Variants in ASXL1 observed in about 807,000 individuals in gnomAD.
The protein encoded by ASXL1 is ASXL transcriptional regulator 1, also known as polycomb group protein ASXL1.
A neutral mutation model predicts 89.1 loss-of-function variants in ASXL1; 65 were observed. The ratio of observed to expected loss-of-function variants is 0.73; its 90% CI spans 0.60 to 0.90. The LOEUF (loss-of-function observed/expected upper bound fraction) is 0.90, where lower values mean the gene tolerates loss of function less well. Among genes scored for constraint, ASXL1 ranks in the 40% least tolerant of loss-of-function variants. ASXL1 has a pLI of 0.00. For missense variants in ASXL1, 1,786 were observed against 1,942.9 expected (o/e 0.92, Z 1.52); for synonymous variants, 739 against 746.9 (o/e 0.99, Z 0.17).
At chr20:32,359,278 A>C in intron 1 of ASXL1, 1 of 702,382 alleles carries the variant, frequency 1.4e-6, no homozygotes, top group African/African-American at 1.7e-5. Context: ...GGGGTGGAAA[A>C]GCGACCCCAC....
rs907779561 is a variant in ASXL1 at position 32,358,938 on chromosome 20, G to C, written c.57+106G>C. On this transcript the variant is annotated intron_variant, in intron 1 of 12. Transcript: ENST00000375687. ...GGGCAAGGCCCTGCCCACCGCGGGA[G>C]GGGGCGGGGCCATCTTCCTTTAAGA... The C allele has an allele frequency of 4.8e-5, 57 of 1,196,722 alleles. No homozygotes were observed. The Admixed American group carries it at 1.5e-3, about 32-fold the overall frequency. The allele number at this position is 1,196,722 out of a possible 1,614,324, so 74.1% of individuals were successfully genotyped here.
At chr20:32,423,805 TC>T (rs1410646176) in intron 4 of ASXL1, among the ~76,000 whole-genome samples, 1 of 152,132 alleles carries the variant, frequency 6.6e-6, no homozygotes, top group Non-Finnish European at 1.5e-5. Context: ...TGGCTTGGCC[TC>T]CCAAAATGCT....
At chr20:32,428,542 C>G (rs1479293650) in intron 6 of ASXL1, 120 bp downstream of exon 6, 29 of 977,268 alleles carry the variant, frequency 3.0e-5, no homozygotes, top group Non-Finnish European at 4.2e-5. Context: ...GAAGTCTGGT[C>G]TCCAGCTGTT....
chr20:32,429,695 A>G lies in ASXL1; in HGVS notation c.566-206A>G. 2.7e-6 allele frequency: 2 copies of G among 742,416 alleles called. No individual in the cohort carries two copies. The highest frequency in any genetic ancestry group is 3.7e-5 in the South Asian group (2 of 54,488). The allele number at this position is 742,416 out of a possible 1,614,324, so 46.0% of individuals were successfully genotyped here. A position where few individuals can be genotyped will look rare whatever the true frequency, so the allele number is the denominator to read the frequency against. On this transcript the variant is annotated intron_variant, in intron 7 of 12. Transcript: ENST00000375687. The surrounding 1 kb of genome is among the most constrained non-coding windows in gnomAD (Gnocchi z 4.9). ...CTTTGTAAAAGGTGTAGTGCTATAC[A>G]AATAAAGATGGCAGTTTGGCACCTG... is the stretch of plus-strand genomic sequence containing the variant.
chr20:32,410,900 G>A (rs1020055287), intron 4 of ASXL1, among the ~76,000 whole-genome samples: 4 of 151,810 alleles, frequency 2.6e-5, no homozygotes, highest in African/African-American at 9.7e-5. Flanking sequence ...ACATGATGGC[G>A]CATGCCTGTA....
Position 32,436,218 on chromosome 20 carries a change from C to T in ASXL1, c.3506C>T (p.Ser1169Phe). ...SGMVDGSSPS[S>F]LRALKEPLLP... is the part of the protein sequence containing the mutation. The stretch of plus-strand genomic sequence containing the variant: ...ATGGTTGATGGAAGCAGCCCCAGTT[C>T]TTTAAGGGCTTTGAAGGAGCCTCTT... Residue 1169 changes from serine to phenylalanine, a missense_variant, in exon 13 of 13, where the codon TCT becomes TTT. Ser to Phe is a radical substitution (Grantham distance 155). This residue lies in a region of ASXL1 where 1,418 missense variants were observed against 1,427.8 expected (regional missense o/e 0.99). Coordinates refer to ENST00000375687, the MANE Select transcript of ASXL1 (RefSeq NM_015338.6). The T allele has an allele frequency of 1.2e-6, 2 of 1,614,244 alleles. No individual in the cohort carries two copies. Among genetic ancestry groups the T allele is most frequent in the Non-Finnish European group, 1.7e-6 (2 of 1,180,054 alleles).
Position 32,384,655 on chromosome 20 carries a change from C to T in ASXL1, c.252+15532C>T, listed in dbSNP as rs907284183. ...GGAGAAGAGAGAACTTGATTGTTTTCAGGGCCCTGGTCAGAGTCTGGTTTT... is the reference window on the plus strand; with the variant it reads ...GGAGAAGAGAGAACTTGATTGTTTTTAGGGCCCTGGTCAGAGTCTGGTTTT... On this transcript the variant is annotated intron_variant, in intron 4 of 12. Transcript: ENST00000375687. 2.6e-5 allele frequency among the ~76,000 whole-genome samples: 4 copies of T among 152,186 alleles called. No homozygotes were observed. The South Asian group carries it at 8.3e-4, about 31-fold the overall frequency.
intron 4 of ASXL1, among the ~76,000 whole-genome samples, chr20:32,376,603 C>T (rs1321255781): frequency 1.3e-5 from 2 of 151,922 alleles, no homozygotes; most frequent in African/African-American, 4.8e-5. Flanking sequence ...TCACATTTCT[C>T]TGTTTTCCTT....
At chr20:32,377,220 A>G (rs2048401800) in intron 4 of ASXL1, among the ~76,000 whole-genome samples, 1 of 146,422 alleles carries the variant, frequency 6.8e-6, no homozygotes, top group Non-Finnish European at 1.5e-5. Flanking sequence ...ACCTGACGTC[A>G]GGTGATCCAC....
intron 4 of ASXL1, among the ~76,000 whole-genome samples, chr20:32,409,856 A>G (rs913170801): frequency 2.0e-5 from 3 of 152,206 alleles, no homozygotes; most frequent in African/African-American, 7.2e-5. Context: ...CACATGGTAC[A>G]TTTGTTTGTC....
intron 4 of ASXL1, among the ~76,000 whole-genome samples, chr20:32,419,481 A>G (rs964407090): frequency 2.0e-5 from 3 of 152,082 alleles, no homozygotes; most frequent in Non-Finnish European, 4.4e-5. Flanking sequence ...TGGGATTACA[A>G]GTGTAGCCAA....
intron 4 of ASXL1, among the ~76,000 whole-genome samples, chr20:32,418,420 T>C (rs377693209): frequency 1.1e-3 from 167 of 152,312 alleles, no homozygotes; most frequent in African/African-American, 3.7e-3. Context: ...AGTTAAATTT[T>C]GTAAGCCATT....
intron 4 of ASXL1, among the ~76,000 whole-genome samples, chr20:32,409,575 C>T (rs926949772): frequency 1.3e-5 from 2 of 152,016 alleles, no homozygotes; most frequent in Non-Finnish European, 2.9e-5. Flanking sequence ...TGCTTGCTGT[C>T]TAATGTGCAT....
At chr20:32,370,563 C>T (rs1257545846) in intron 4 of ASXL1, among the ~76,000 whole-genome samples, 2 of 152,186 alleles carry the variant, frequency 1.3e-5, no homozygotes, top group South Asian at 2.1e-4. Flanking sequence ...TTGATGCTGA[C>T]CCTTTCGTTC....
At chr20:32,394,419 G>C (rs2048726883) in intron 4 of ASXL1, among the ~76,000 whole-genome samples, 1 of 152,212 alleles carries the variant, frequency 6.6e-6, no homozygotes. Context: ...TTACAGGAGT[G>C]AGCTACGCCA....
chr20:32,401,720 A>G (rs1053197675), intron 4 of ASXL1, among the ~76,000 whole-genome samples: 1 of 151,930 alleles, frequency 6.6e-6, no homozygotes, highest in Admixed American at 6.6e-5. Flanking sequence ...CACGCAGGCT[A>G]ATTTTTTGTA....
chr20:32,415,729 T>C (rs895876858), intron 4 of ASXL1, among the ~76,000 whole-genome samples: 7 of 152,198 alleles, frequency 4.6e-5, no homozygotes, highest in Admixed American at 6.5e-5. Context: ...ACCTGGTCTT[T>C]CAGATTTCTG....
chr20:32,435,062 G>A lies in ASXL1; in HGVS notation c.2350G>A (p.Asp784Asn), dbSNP rs780602254. Reference sequence around the variant, plus strand: ...AGTGGAGCAGCCTCAGTTGCATCCGGATGTTAGAACTGAATGTGAGTCTGG... The same window carrying A: ...AGTGGAGCAGCCTCAGTTGCATCCGAATGTTAGAACTGAATGTGAGTCTGG... ...RLVEQPQLHPDVRTECESGTT... is the reference protein window; with the variant it reads ...RLVEQPQLHPNVRTECESGTT... Residue 784 changes from aspartate (D) to asparagine (N), a missense_variant, in exon 13 of 13, where the codon GAT (aspartate) becomes AAT (asparagine). Physicochemically the swap from Asp to Asn is conservative, Grantham distance 23. Transcript: ENST00000375687. 6.2e-7 allele frequency: 1 copy of A among 1,614,108 alleles called. No individual in the cohort carries two copies. Among genetic ancestry groups the A allele is most frequent in the Non-Finnish European group, 8.5e-7 (1 of 1,180,034 alleles).
At chr20:32,397,250 CTTTTTTTTTTTTTTTTT>C (rs71187116) in intron 4 of ASXL1, among the ~76,000 whole-genome samples, 10 of 6,982 alleles carry the variant, frequency 1.4e-3, no homozygotes, top group Admixed American at 0.01. Flanking sequence ...CCATGCCTGG[CTTTTTTTTTTTTTTTTT>C]TTTTTTTTTT....
Sources: gnomAD v4.1 joint callset for allele counts (sites outside exome capture counted in the v4.1 genomes callset) on GRCh38, gnomAD v4.1.1 for gene constraint, gnomAD v4.1.1 regional missense constraint, Gnocchi (gnomAD v3.1) non-coding constraint, MANE v1.5 for transcripts, NCBI Gene and HGNC (gene_info 2026-07-23, HGNC 2026-07-21) for gene names.